Variants in GTF3C1 observed in about 807,000 individuals in gnomAD.
GTF3C1 encodes general transcription factor 3C polypeptide 1.
In GTF3C1, 57 loss-of-function variants were observed where a neutral mutation model predicts 226.7. That is an observed-to-expected ratio of 0.25 (90% CI 0.20 to 0.31). The LOEUF is 0.31. Among genes scored for constraint, GTF3C1 ranks in the 10% least tolerant of loss-of-function variants. The probability of loss-of-function intolerance (pLI) is 1.00; values close to 1 mark genes in which losing one functional copy is unlikely to be tolerated. For missense variants in GTF3C1, 2,217 were observed against 2,776.1 expected (o/e 0.80, Z 4.53); for synonymous variants, 1,090 against 1,084.8 (o/e 1.00, Z -0.09).
At chr16:27,472,110 G>A (rs2087882376) in intron 29 of GTF3C1, among the ~76,000 whole-genome samples, 190 bp from the exon 30 acceptor site, 1 of 152,090 alleles carries the variant, frequency 6.6e-6, no homozygotes, top group Non-Finnish European at 1.5e-5. Context: ...GGGGTGCTGA[G>A]GAAGTCAGCA....
intron 10 of GTF3C1, among the ~76,000 whole-genome samples, chr16:27,503,786 T>G (rs556352210): frequency 6.6e-6 from 1 of 152,244 alleles, no homozygotes; most frequent in African/African-American, 2.4e-5. Flanking sequence ...TGTGAATCAC[T>G]GGACCCAAGT....
intron 4 of GTF3C1, among the ~76,000 whole-genome samples, chr16:27,535,459 C>T (rs555250669): frequency 1.7e-4 from 26 of 151,980 alleles, no homozygotes; most frequent in South Asian, 4.2e-4. Context: ...CTTATAGTAC[C>T]AGCTACTTGG....
intron 26 of GTF3C1, among the ~76,000 whole-genome samples, chr16:27,482,827 C>T (rs1343369724): frequency 1.3e-5 from 2 of 152,352 alleles, no homozygotes; most frequent in East Asian, 3.9e-4. Context: ...TTCAAAGTGG[C>T]CTGTCAGATT....
At chr16:27,506,316 G>C (rs533049231) in intron 9 of GTF3C1, among the ~76,000 whole-genome samples, 200 bp from the exon 10 acceptor site, 171 of 152,292 alleles carry the variant, frequency 1.1e-3, no homozygotes, top group African/African-American at 4.0e-3. Context: ...GGCCAGTGCT[G>C]ATGTCTGGGC....
chr16:27,482,436 C>A, intron 26 of GTF3C1: 1 of 455,566 alleles, frequency 2.2e-6, no homozygotes, highest in Middle Eastern at 3.3e-4. Context: ...CCTCTGTGGG[C>A]CTGTGCCTTC....
At chr16:27,535,674 G>C (rs1043770923) in intron 4 of GTF3C1, among the ~76,000 whole-genome samples, 2 of 151,522 alleles carry the variant, frequency 1.3e-5, no homozygotes, top group Non-Finnish European at 2.9e-5. Context: ...GATCTCTTCT[G>C]AGGTCGGGAG....
At chr16:27,544,637 A>C (rs185783748) in intron 2 of GTF3C1, among the ~76,000 whole-genome samples, 63 of 152,168 alleles carry the variant, frequency 4.1e-4, no homozygotes, top group Admixed American at 2.0e-3. Context: ...AGTAGGAAGG[A>C]AGGCAGGAAT....
chr16:27,488,529 T>C, intron 22 of GTF3C1, 25 bp downstream of exon 22: 1 of 1,602,644 alleles, frequency 6.2e-7, no homozygotes, highest in Non-Finnish European at 8.6e-7. Flanking sequence ...TATTAACTTC[T>C]GGGGTGAACT....
At position 27,463,107 on chromosome 16, in the gene GTF3C1, C is replaced by A. The variant is rs1251477235; in HGVS notation, c.5924+434G>T. ...GCACACACACTCATGGGAGGCGCCCCCACCAGAGGGGCTTCTGCGGCCCCC... is the reference window on the plus strand; with the variant it reads ...GCACACACACTCATGGGAGGCGCCCACACCAGAGGGGCTTCTGCGGCCCCC... On this transcript the variant is annotated intron_variant, in intron 35 of 36. Coordinates refer to ENST00000356183, the MANE Select transcript of GTF3C1 (RefSeq NM_001520.4). The surrounding 1 kb of genome is among the most constrained non-coding windows in gnomAD (Gnocchi z 4.9). 3 of 197,576 alleles carry A rather than the reference C, an allele frequency of 1.5e-5. No individual in the cohort carries two copies. Among genetic ancestry groups the A allele is most frequent in the South Asian group, 1.0e-4 (1 of 9,598 alleles). The allele number at this position is 197,576 out of a possible 1,614,324, so 12.2% of individuals were successfully genotyped here.
rs2141335584 is a variant in GTF3C1 at position 27,462,135 on chromosome 16, G to A, written c.6117+159C>T. 8.2e-6 allele frequency: 5 copies of A among 611,594 alleles called. No homozygotes were observed. In the South Asian group the frequency reaches 9.7e-5, roughly 12 times the overall value. 37.9% of individuals were successfully genotyped at this position (611,594 alleles called of 1,614,324 possible). On this transcript the variant is annotated intron_variant, in intron 36 of 36. Transcript: ENST00000356183. This position sits in a 1 kb window ranked among gnomAD's most constrained non-coding sequence, Gnocchi z 4.5. ...ATGGAGCTGGTGAAGGACACTGAGG[G>A]ACAGCCTGAGAGGCAGGAGCCCAGG...
intron 10 of GTF3C1, among the ~76,000 whole-genome samples, 195 bp downstream of exon 10, chr16:27,505,704 T>C (rs2088473501): frequency 6.6e-6 from 1 of 152,230 alleles, no homozygotes; most frequent in African/African-American, 2.4e-5. Context: ...AGACAATCTC[T>C]GCGTAGGGCC....
intron 10 of GTF3C1, 77 bp from the exon 11 acceptor site, chr16:27,503,072 A>C: frequency 9.3e-7 from 1 of 1,081,072 alleles, no homozygotes; most frequent in Non-Finnish European, 1.4e-6. Context: ...CTGTGGGTGC[A>C]CTGGCCCTCT....
intron 2 of GTF3C1, among the ~76,000 whole-genome samples, chr16:27,539,053 T>G (rs1391121110): frequency 1.3e-5 from 2 of 149,362 alleles, no homozygotes; most frequent in African/African-American, 4.9e-5. Flanking sequence ...TTTCCCTCAT[T>G]CAAATATAAG....
At chr16:27,493,625 C>A (rs1477957806) in intron 16 of GTF3C1, among the ~76,000 whole-genome samples, 2 of 152,160 alleles carry the variant, frequency 1.3e-5, no homozygotes, top group Non-Finnish European at 2.9e-5. Context: ...AGAGAACACG[C>A]GTTCCTTTTG....
chr16:27,524,134 G>T (rs527480489), intron 6 of GTF3C1, among the ~76,000 whole-genome samples: 1 of 152,218 alleles, frequency 6.6e-6, no homozygotes, highest in African/African-American at 2.4e-5. Flanking sequence ...GAAGCAGGCC[G>T]CAGGCTATAC....
intron 14 of GTF3C1, among the ~76,000 whole-genome samples, chr16:27,497,080 C>T (rs1261011818): frequency 6.6e-6 from 1 of 152,200 alleles, no homozygotes; most frequent in Non-Finnish European, 1.5e-5. Context: ...AGCCGGGCCC[C>T]GGTGAGTCAA....
intron 5 of GTF3C1, among the ~76,000 whole-genome samples, chr16:27,532,282 T>C (rs980824139): frequency 6.6e-6 from 1 of 152,044 alleles, no homozygotes; most frequent in East Asian, 1.9e-4. Context: ...AGACACCTCC[T>C]CCCCCTGTGA....
chr16:27,493,342 G>A (rs776279870), intron 16 of GTF3C1, 46 bp from the exon 17 acceptor site: 2 of 936,554 alleles, frequency 2.1e-6, no homozygotes, highest in East Asian at 2.4e-5. Flanking sequence ...GGGCCAGGGC[G>A]ACCTGCAAGA....
At chr16:27,535,348 G>GT (rs1227953225) in intron 4 of GTF3C1, among the ~76,000 whole-genome samples, 52 of 152,224 alleles carry the variant, frequency 3.4e-4, no homozygotes, top group Admixed American at 3.3e-3. Context: ...CGAGGTGGGC[G>GT]TATCACCTGA....
Sources: allele counts gnomAD v4.1 joint callset (sites outside exome capture counted in the v4.1 genomes callset), GRCh38; gene constraint gnomAD v4.1.1; non-coding constraint Gnocchi (gnomAD v3.1); transcripts MANE v1.5; gene names NCBI Gene and HGNC (gene_info 2026-07-23, HGNC 2026-07-21).